UBTF: variants seen among roughly 807,000 people sequenced by gnomAD.
The protein encoded by UBTF is upstream binding transcription factor.
UBTF carries 8 observed loss-of-function variants against 112.3 expected under a neutral mutation model. The observed-to-expected ratio is 0.07, with a 90% CI of 0.04 to 0.13. The LOEUF (loss-of-function observed/expected upper bound fraction) is 0.13, where lower values mean the gene tolerates loss of function less well. Among genes scored for constraint, UBTF ranks in the 10% least tolerant of loss-of-function variants. UBTF has a pLI of 1.00. For missense variants in UBTF, 457 were observed against 982.1 expected (o/e 0.47, Z 7.15); for synonymous variants, 417 against 373.1 (o/e 1.12, Z -1.36).
Position 44,207,314 on chromosome 17 carries a change from T to TTCATCCTCATCG in UBTF, c.2211_2222dup (p.Asp737_Asp740dup). 3.1e-6 allele frequency: 5 copies of TTCATCCTCATCG among 1,612,828 alleles called. No individual in the cohort carries two copies. The highest frequency in any genetic ancestry group is 4.2e-6 in the Non-Finnish European group (5 of 1,179,500). ...AGCTGCTGCCCTCGGACTCATTATC[T>TTCATCCTCATCG]TCATCCTCATCGTCATCCTCGTCGT... On this transcript the variant is annotated inframe_insertion, in exon 21 of 21. Transcript: ENST00000436088.
rs1567787706 is a variant in UBTF at position 44,207,867 on chromosome 17, G to A, written c.1950C>T (p.Ser650=). ...GCTGCTCTGCTCCCAGACTCACATT[G>A]GAGATGTACTCTTTATATGCTGCAC... The part of the protein sequence containing the change: ...QDRAAYKEYI[S]NKRKSMTKLR... The change falls in exon 18 of 21, where the codon TCC becomes TCT. Residue 650 remains serine, a synonymous_variant. Transcript: ENST00000436088. The A allele has an allele frequency of 1.1e-5, 18 of 1,613,848 alleles. No individual in the cohort carries two copies. Among genetic ancestry groups the A allele is most frequent in the Non-Finnish European group, 1.5e-5 (18 of 1,180,030 alleles).
chr17:44,214,598 A>G (rs1402704472), intron 5 of UBTF, among the ~76,000 whole-genome samples: 1 of 152,106 alleles, frequency 6.6e-6, no homozygotes, highest in Admixed American at 6.5e-5. Flanking sequence ...AAAGGGGTCA[A>G]CAGTTCCAGC....
chr17:44,218,529 AGGGCC>A, intron 1 of UBTF: 1 of 304,266 alleles, frequency 3.3e-6, no homozygotes, highest in Non-Finnish European at 5.6e-6. Flanking sequence ...TGGCCACGCG[AGGGCC>A]TGCTCCTAGC....
rs781383220 is a variant in UBTF at position 44,211,867 on chromosome 17, G to A, written c.905+6C>T. ...ACTCGCCCACCCATCCCAGGGCAGC[G>A]CTCACGGAGGTGGCTTGGTGGGTCG... On this transcript the variant is annotated splice_donor_region_variant and intron_variant, in intron 9 of 20. Coordinates refer to ENST00000436088, the MANE Select transcript of UBTF (RefSeq NM_014233.4). This position sits in a 1 kb window ranked among gnomAD's most constrained non-coding sequence, Gnocchi z 4.9. The A allele has an allele frequency of 2.5e-5, 40 of 1,612,568 alleles. No homozygotes were observed. The highest frequency in any genetic ancestry group is 3.0e-5 in the Non-Finnish European group (35 of 1,179,722).
intron 17 of UBTF, 42 bp from the exon 18 acceptor site, chr17:44,207,953 T>A: frequency 6.2e-7 from 1 of 1,613,158 alleles, no homozygotes; most frequent in East Asian, 2.2e-5. Flanking sequence ...CATAGCCAAC[T>A]ACTGCTGACT....
intron 1 of UBTF, 26 bp from the exon 2 acceptor site, chr17:44,218,322 T>A (rs537389165): frequency 1.4e-6 from 2 of 1,409,980 alleles, no homozygotes; most frequent in Non-Finnish European, 2.0e-6. Context: ...CAGTTCCCAC[T>A]CAGGAAGGCT....
chr17:44,210,402 TTCC>T lies in UBTF; in HGVS notation c.1428_1430del (p.Glu477del). 6.2e-7 allele frequency: 1 copy of T among 1,614,104 alleles called. No individual in the cohort carries two copies. The highest frequency in any genetic ancestry group is 8.5e-7 in the Non-Finnish European group (1 of 1,180,006). Reference sequence around the variant, plus strand: ...TGGGGGACTCGGGCAGCTTGCCCCGTTCCTCGCGCTCCCCGCCGGGCTTCCTCT... The same window carrying T: ...TGGGGGACTCGGGCAGCTTGCCCCGTTCGCGCTCCCCGCCGGGCTTCCTCT... On this transcript the variant is annotated inframe_deletion, in exon 14 of 21. Transcript: ENST00000436088.
At chr17:44,212,728 C>T in intron 7 of UBTF, 91 bp downstream of exon 7, 2 of 1,564,940 alleles carry the variant, frequency 1.3e-6, no homozygotes, top group South Asian at 1.2e-5. Context: ...TCCTCTCCTG[C>T]TCCCCTGCAC....
Position 44,211,761 on chromosome 17 carries a change from G to C in UBTF, c.906-14C>G, listed in dbSNP as rs200029530. 1 of 1,603,234 alleles carries C rather than the reference G, an allele frequency of 6.2e-7. No individual in the cohort carries two copies. The highest frequency in any genetic ancestry group is 8.5e-7 in the Non-Finnish European group (1 of 1,177,540). On this transcript the variant is annotated splice_polypyrimidine_tract_variant and intron_variant, in intron 9 of 20. Coordinates refer to ENST00000436088, the MANE Select transcript of UBTF (RefSeq NM_014233.4). This position sits in a 1 kb window ranked among gnomAD's most constrained non-coding sequence, Gnocchi z 4.9. ...GAGTAGCTGTTCCTATCAGAGCCGC[G>C]GGGAGAGAGGTGCAGCCCGTAAGCG...
chr17:44,215,506 G>A lies in UBTF; in HGVS notation c.474+148C>T, dbSNP rs2046804768. On this transcript the variant is annotated intron_variant, in intron 5 of 20. Transcript: ENST00000436088. ...GTGTGGGCCGAGGAAGGGGCAATCA[G>A]GTGTGGCTGCCCAGGACCTATTCTG... is the stretch of plus-strand genomic sequence containing the variant. 7.3e-6 allele frequency: 7 copies of A among 963,984 alleles called. No homozygotes were observed. The Admixed American group carries it at 1.7e-4, about 23-fold the overall frequency. The allele number at this position is 963,984 out of a possible 1,614,324, so 59.7% of individuals were successfully genotyped here. A position where few individuals can be genotyped will look rare whatever the true frequency, so the allele number is the denominator to read the frequency against.
chr17:44,218,088 A>C, intron 2 of UBTF, 84 bp downstream of exon 2: 1 of 1,379,756 alleles, frequency 7.2e-7, no homozygotes, highest in South Asian at 1.2e-5. Flanking sequence ...CAGACTGAAA[A>C]AGCCCTTGAA....
chr17:44,206,546 CT>C lies in UBTF; in HGVS notation c.*695del, dbSNP rs2056251976. The stretch of plus-strand genomic sequence containing the variant: ...TTTTTAAAAGGTTCCAAATCTACCC[CT>C]AAACCCTCCCTCTCCCAGAAATGAC... On this transcript the variant is annotated 3_prime_UTR_variant, in exon 21 of 21. Transcript: ENST00000436088. The C allele has an allele frequency of 6.7e-6, 1 of 150,192 alleles. No individual in the cohort carries two copies. The highest frequency in any genetic ancestry group is 2.5e-5 in the African/African-American group (1 of 40,380). The allele number at this position is 150,192 out of a possible 1,614,324, so 9.3% of individuals were successfully genotyped here.
chr17:44,218,594 CAAAAA>C (rs71160095), intron 1 of UBTF: 14 of 84,012 alleles, frequency 1.7e-4, no homozygotes, highest in South Asian at 1.3e-3. Context: ...CAACCCCAGC[CAAAAA>C]AAAAAAAAAA....
At chr17:44,210,672 G>A (rs927502756) in intron 13 of UBTF, 120 bp downstream of exon 13, 7 of 1,417,686 alleles carry the variant, frequency 4.9e-6, no homozygotes, top group African/African-American at 4.5e-5. Context: ...CCGGCCCCAC[G>A]TCCCAGCCCA....
chr17:44,213,879 T>C (rs1284267459), intron 5 of UBTF, among the ~76,000 whole-genome samples: 1 of 152,098 alleles, frequency 6.6e-6, no homozygotes, highest in African/African-American at 2.4e-5. Context: ...CCTTCTTCTC[T>C]TTCTCCAGGA....
chr17:44,207,442 T>C lies in UBTF; in HGVS notation c.2169+12A>G, dbSNP rs1179242297. On this transcript the variant is annotated intron_variant, in intron 20 of 20. Transcript: ENST00000436088. ...ACTCCCCTCCCCTCCCACTGTGCCC[T>C]GTCTGCCCCACCTCATCCCCATCCT... The C allele has an allele frequency of 3.1e-6, 5 of 1,613,180 alleles. No homozygotes were observed. Among genetic ancestry groups the C allele is most frequent in the East Asian group, 2.2e-5 (1 of 44,888 alleles).
At position 44,211,757 on chromosome 17, in the gene UBTF, C is replaced by A; in HGVS notation, c.906-10G>T. 6.2e-7 allele frequency: 1 copy of A among 1,603,808 alleles called. No homozygotes were observed. Among genetic ancestry groups the A allele is most frequent in the Non-Finnish European group, 8.5e-7 (1 of 1,177,906 alleles). On this transcript the variant is annotated splice_polypyrimidine_tract_variant and intron_variant, in intron 9 of 20. Coordinates refer to ENST00000436088, the MANE Select transcript of UBTF (RefSeq NM_014233.4). This position sits in a 1 kb window ranked among gnomAD's most constrained non-coding sequence, Gnocchi z 4.9. Reference sequence around the variant, plus strand: ...CAGCGAGTAGCTGTTCCTATCAGAGCCGCGGGGAGAGAGGTGCAGCCCGTA... The same window carrying A: ...CAGCGAGTAGCTGTTCCTATCAGAGACGCGGGGAGAGAGGTGCAGCCCGTA...
At chr17:44,220,303 C>G (rs1245553808), upstream of UBTF, among the ~76,000 whole-genome samples, 1 of 151,720 alleles carries the variant, frequency 6.6e-6, no homozygotes, top group African/African-American at 2.4e-5. Flanking sequence ...CAGCCCTGCT[C>G]CGGAGCTCTC....
intron 5 of UBTF, 119 bp from the exon 6 acceptor site, chr17:44,213,401 T>G: frequency 8.8e-7 from 1 of 1,138,980 alleles, no homozygotes; most frequent in Non-Finnish European, 1.2e-6. Flanking sequence ...ATGCAGGGAG[T>G]GGAGGCTGGC....
Sources: gnomAD v4.1 joint callset for allele counts (sites outside exome capture counted in the v4.1 genomes callset) on GRCh38, gnomAD v4.1.1 for gene constraint, Gnocchi (gnomAD v3.1) non-coding constraint, MANE v1.5 for transcripts, NCBI Gene and HGNC (gene_info 2026-07-23, HGNC 2026-07-21) for gene names.